GRM1: variants seen among roughly 807,000 people sequenced by gnomAD.
GRM1 encodes metabotropic glutamate receptor 1.
In GRM1, 33 loss-of-function variants were observed where a neutral mutation model predicts 90.9. The ratio of observed to expected loss-of-function variants is 0.36; its 90% CI spans 0.28 to 0.49. The LOEUF (loss-of-function observed/expected upper bound fraction) is 0.49, where lower values mean the gene tolerates loss of function less well. Ranked by LOEUF, GRM1 falls within the 20% of genes least tolerant of loss-of-function variation. The pLI is 0.99. For synonymous variants in GRM1, 700 were observed against 613.2 expected, an observed-to-expected ratio of 1.14 and a Z score of -2.09; for missense variants, 1,190 against 1,534.3, an observed-to-expected ratio of 0.78 and a Z score of 3.75.
intron 2 of GRM1, among the ~76,000 whole-genome samples, chr6:146,272,352 A>G (rs1445365908): frequency 6.6e-6 from 1 of 152,214 alleles, no homozygotes; most frequent in Non-Finnish European, 1.5e-5. Context: ...GTTGCATTTT[A>G]TATTTGAGAT....
At chr6:146,362,300 G>A (rs1015309924) in intron 5 of GRM1, among the ~76,000 whole-genome samples, 1 of 152,170 alleles carries the variant, frequency 6.6e-6, no homozygotes, top group African/African-American at 2.4e-5. Flanking sequence ...TTGCTGTAAA[G>A]TGGCACCTTA....
chr6:146,278,797 A>G (rs56256698), intron 2 of GRM1, among the ~76,000 whole-genome samples: 2,933 of 152,198 alleles, frequency 0.019, 39 homozygotes, highest in Admixed American at 0.028. Flanking sequence ...ACAAAACAAA[A>G]ACTTTGCTTC....
chr6:146,095,116 T>C (rs1425794399), intron 1 of GRM1, among the ~76,000 whole-genome samples: 1 of 152,062 alleles, frequency 6.6e-6, no homozygotes, highest in Non-Finnish European at 1.5e-5. Flanking sequence ...CCCTATAATG[T>C]CTTTATAAAA....
intron 1 of GRM1, among the ~76,000 whole-genome samples, chr6:146,134,764 A>G (rs1451702949): frequency 6.6e-6 from 1 of 152,118 alleles, no homozygotes; most frequent in Non-Finnish European, 1.5e-5. Context: ...CCCCGTCTCT[A>G]CTAAAAATAC....
intron 7 of GRM1, among the ~76,000 whole-genome samples, chr6:146,419,764 G>C (rs1189671583): frequency 6.6e-6 from 1 of 152,256 alleles, no homozygotes; most frequent in Middle Eastern, 3.4e-3. Context: ...CAAACAACCA[G>C]ATCTCCTGAG....
intron 2 of GRM1, among the ~76,000 whole-genome samples, chr6:146,246,058 T>G (rs1410730930): frequency 6.6e-6 from 1 of 152,236 alleles, no homozygotes; most frequent in Non-Finnish European, 1.5e-5. Flanking sequence ...TTTTAAATTC[T>G]ACAAATATTA....
At chr6:146,398,231 T>C (rs1435640621) in intron 6 of GRM1, among the ~76,000 whole-genome samples, 1 of 152,186 alleles carries the variant, frequency 6.6e-6, no homozygotes, top group Non-Finnish European at 1.5e-5. Context: ...TATAGAGTTA[T>C]GCAGGAAACA....
chr6:146,267,439 C>A (rs543483202), intron 2 of GRM1, among the ~76,000 whole-genome samples: 1 of 152,082 alleles, frequency 6.6e-6, no homozygotes, highest in East Asian at 1.9e-4. Context: ...GGGTCAGAAC[C>A]AATAGAATAT....
At chr6:146,179,534 G>A (rs899526115) in intron 2 of GRM1, among the ~76,000 whole-genome samples, 1 of 152,176 alleles carries the variant, frequency 6.6e-6, no homozygotes, top group Admixed American at 6.5e-5. Context: ...TTTGTTCTGA[G>A]ACGGAGTTTC....
chr6:146,342,463 C>T, intron 3 of GRM1, among the ~76,000 whole-genome samples: 1 of 152,190 alleles, frequency 6.6e-6, no homozygotes, highest in East Asian at 1.9e-4. Context: ...GGGACAGTAA[C>T]TAAGCAAGAG....
chr6:146,375,795 G>A (rs1776077855), intron 5 of GRM1, among the ~76,000 whole-genome samples: 2 of 151,976 alleles, frequency 1.3e-5, no homozygotes, highest in Non-Finnish European at 2.9e-5. Flanking sequence ...GGTGAAGTGT[G>A]TTTTTTGTAG....
At chr6:146,119,311 G>C (rs1284754778) in intron 1 of GRM1, among the ~76,000 whole-genome samples, 1 of 152,040 alleles carries the variant, frequency 6.6e-6, no homozygotes, top group South Asian at 2.1e-4. Context: ...TTGTAAATTT[G>C]TTTGAGTTCT....
chr6:146,189,045 C>T lies in GRM1; in HGVS notation c.950+29448C>T, dbSNP rs146104305. On this transcript the variant is annotated intron_variant, in intron 2 of 7. Transcript: ENST00000282753. Reference sequence around the variant, plus strand: ...ACGTGGTTGAGAGAGAGAAGCTAAACCAATATGCACAATAATGTTATGAGT... The same window carrying T: ...ACGTGGTTGAGAGAGAGAAGCTAAATCAATATGCACAATAATGTTATGAGT... 9.3e-4 allele frequency among the ~76,000 whole-genome samples: 141 copies of T among 152,248 alleles called. 1 individual carries two copies. Among genetic ancestry groups the T allele is most frequent in the African/African-American group, 3.1e-3 (129 of 41,556 alleles).
intron 1 of GRM1, among the ~76,000 whole-genome samples, chr6:146,131,956 G>A (rs1776415979): frequency 6.6e-6 from 1 of 152,194 alleles, no homozygotes; most frequent in Admixed American, 6.5e-5. Context: ...CCTGGATGAT[G>A]AATAGGAGTA....
intron 3 of GRM1, among the ~76,000 whole-genome samples, chr6:146,345,872 C>T (rs1008493965): frequency 3.9e-5 from 6 of 152,338 alleles, no homozygotes; most frequent in African/African-American, 9.6e-5. Flanking sequence ...CTGTAGCATA[C>T]TCTGTCTCTG....
At chr6:146,370,017 A>G (rs1775840177) in intron 5 of GRM1, among the ~76,000 whole-genome samples, 1 of 152,058 alleles carries the variant, frequency 6.6e-6, no homozygotes, top group Non-Finnish European at 1.5e-5. Flanking sequence ...TGTTGGATGC[A>G]TAGATATTTA....
intron 2 of GRM1, among the ~76,000 whole-genome samples, chr6:146,266,156 TC>T (rs1781878924): frequency 6.6e-6 from 1 of 152,122 alleles, no homozygotes; most frequent in South Asian, 2.1e-4. Context: ...ACCACTGCAC[TC>T]CAACCTGGTG....
At position 146,425,837 on chromosome 6, in the gene GRM1, A is replaced by G. The variant is rs1041806311; in HGVS notation, c.2661-8035A>G. Among the ~76,000 whole-genome samples, 3 of 152,180 alleles carry G rather than the reference A, an allele frequency of 2.0e-5. 1 individual carries two copies. Among genetic ancestry groups the G allele is most frequent in the African/African-American group, 7.2e-5 (3 of 41,444 alleles). ...GGGAAATGCACTTATCCTTATTCCA[A>G]CAAATGATGGAAAGGCCGACTACCC... On this transcript the variant is annotated intron_variant, in intron 7 of 7. Transcript: ENST00000282753.
Position 146,434,390 on chromosome 6 carries a change from A to G in GRM1, c.3179A>G (p.Asn1060Ser), listed in dbSNP as rs1340167468. ...AVLAGPGGPG[N>S]GLRSLYPPPP... ...CTGGCAGGCCCCGGTGGTCCCGGGA[A>G]CGGGCTGCGGTCCCTGTACCCGCCC... Residue 1060 changes from asparagine (N) to serine (S), a missense_variant, in exon 8 of 8, where the codon AAC (asparagine) becomes AGC (serine). Physicochemically the swap from Asn to Ser is conservative, Grantham distance 46 (BLOSUM62 1). This residue lies in a region of GRM1 where 400 missense variants were observed against 360.8 expected (regional missense o/e 1.11). Transcript: ENST00000282753. 1.9e-6 allele frequency: 3 copies of G among 1,613,258 alleles called. No individual in the cohort carries two copies. Among genetic ancestry groups the G allele is most frequent in the Non-Finnish European group, 1.7e-6 (2 of 1,179,634 alleles).
Sources: gnomAD v4.1 joint callset for allele counts (sites outside exome capture counted in the v4.1 genomes callset) on GRCh38, gnomAD v4.1.1 for gene constraint, gnomAD v4.1.1 regional missense constraint, MANE v1.5 for transcripts, NCBI Gene and HGNC (gene_info 2026-07-23, HGNC 2026-07-21) for gene names.